NDFIP2: variants seen among roughly 807,000 people sequenced by gnomAD.
NDFIP2 encodes the protein Nedd4 family interacting protein 2.
A neutral mutation model predicts 36.0 loss-of-function variants in NDFIP2; 19 were observed. The ratio of observed to expected loss-of-function variants is 0.53; its 90% CI spans 0.37 to 0.77. NDFIP2 has a LOEUF of 0.77. NDFIP2 is among the 30% of genes least tolerant of loss of function. The pLI is 0.00. For synonymous variants in NDFIP2, 181 were observed against 167.7 expected (o/e 1.08, Z -0.61); for missense variants, 446 against 435.8 (o/e 1.02, Z -0.21).
chr13:79,518,980 AT>A, intron 1 of NDFIP2: 1 of 152,018 alleles, frequency 6.6e-6, no homozygotes, highest in Non-Finnish European at 1.5e-5. Context: ...CATTTTTTGT[AT>A]TTTTTGGTAG....
At chr13:79,486,397 ATTG>A (rs1306057877) in intron 1 of NDFIP2, among the ~76,000 whole-genome samples, 1 of 152,186 alleles carries the variant, frequency 6.6e-6, no homozygotes, top group African/African-American at 2.4e-5. Flanking sequence ...TTCTATTTGT[ATTG>A]TTGTGTATTT....
At chr13:79,542,650 A>G (rs1875503270) in intron 4 of NDFIP2, among the ~76,000 whole-genome samples, 1 of 152,140 alleles carries the variant, frequency 6.6e-6, no homozygotes, top group South Asian at 2.1e-4. Flanking sequence ...TCAAAAAGTT[A>G]CAGTTTTTAA....
chr13:79,498,624 A>C (rs1456111306), intron 1 of NDFIP2, among the ~76,000 whole-genome samples: 1 of 152,004 alleles, frequency 6.6e-6, no homozygotes, highest in Non-Finnish European at 1.5e-5. Context: ...CAAAAAGTAG[A>C]AAGGGAAGAG....
intron 5 of NDFIP2, among the ~76,000 whole-genome samples, chr13:79,545,063 T>C (rs1248103627): frequency 2.0e-5 from 3 of 152,108 alleles, no homozygotes; most frequent in Non-Finnish European, 4.4e-5. Context: ...CCTTCCCTTA[T>C]AGAAATTATT....
chr13:79,517,394 A>G (rs1874392064), intron 1 of NDFIP2, among the ~76,000 whole-genome samples: 2 of 152,226 alleles, frequency 1.3e-5, no homozygotes, highest in South Asian at 4.1e-4. Context: ...ATTGGAGAAC[A>G]TGATTAAGAA....
intron 1 of NDFIP2, among the ~76,000 whole-genome samples, chr13:79,518,096 T>C (rs1227070801): frequency 6.6e-6 from 1 of 152,198 alleles, no homozygotes; most frequent in Non-Finnish European, 1.5e-5. Flanking sequence ...CAGTTAAAGA[T>C]AATTAAGTGA....
chr13:79,553,863 G>C lies in NDFIP2; in HGVS notation c.*1350G>C, dbSNP rs983315104. The C allele has an allele frequency of 6.6e-6, 1 of 151,834 alleles. No homozygotes were observed. Among genetic ancestry groups the C allele is most frequent in the Non-Finnish European group, 1.5e-5 (1 of 67,538 alleles). The allele number at this position is 151,834 out of a possible 1,614,324, so 9.4% of individuals were successfully genotyped here. ...GGTTTTGAATACCAACATTTAAAAT[G>C]ATGGTATTTTATCTTTTAAACTTAA... On this transcript the variant is annotated 3_prime_UTR_variant, in exon 8 of 8. Coordinates refer to ENST00000218652, the MANE Select transcript of NDFIP2 (RefSeq NM_019080.3).
At chr13:79,487,501 G>C (rs1425799063) in intron 1 of NDFIP2, among the ~76,000 whole-genome samples, 1 of 152,146 alleles carries the variant, frequency 6.6e-6, no homozygotes, top group African/African-American at 2.4e-5. Flanking sequence ...CTGTAAAGCT[G>C]ATAGGAATGA....
intron 3 of NDFIP2, among the ~76,000 whole-genome samples, chr13:79,534,893 C>G (rs1875172020): frequency 6.6e-6 from 1 of 152,204 alleles, no homozygotes; most frequent in African/African-American, 2.4e-5. Flanking sequence ...TACCCTCTTC[C>G]AGCACACACA....
intron 1 of NDFIP2, among the ~76,000 whole-genome samples, chr13:79,484,245 C>T (rs960717354): frequency 6.6e-6 from 1 of 152,046 alleles, no homozygotes; most frequent in Non-Finnish European, 1.5e-5. Context: ...GAACTCCTGA[C>T]CTCAAATAAT....
intron 3 of NDFIP2, among the ~76,000 whole-genome samples, chr13:79,538,801 TTGAACTCCTGGCC>T (rs1213626993): frequency 2.0e-5 from 3 of 152,220 alleles, no homozygotes; most frequent in Non-Finnish European, 4.4e-5. Flanking sequence ...CAGGCAGGTC[TTGAACTCCTGGCC>T]TGAAGTGATC....
intron 5 of NDFIP2, among the ~76,000 whole-genome samples, chr13:79,543,892 A>G (rs1425224174): frequency 1.3e-5 from 2 of 152,216 alleles, no homozygotes; most frequent in Non-Finnish European, 2.9e-5. Flanking sequence ...AGTGGAAAGA[A>G]CTTTGAAATA....
At chr13:79,484,108 TG>T (rs948036729) in intron 1 of NDFIP2, among the ~76,000 whole-genome samples, 2 of 152,022 alleles carry the variant, frequency 1.3e-5, no homozygotes, top group Non-Finnish European at 2.9e-5. Context: ...ATCCGCCTCC[TG>T]GGTTCAAGTG....
At chr13:79,483,347 C>T (rs1003532540) in intron 1 of NDFIP2, among the ~76,000 whole-genome samples, 3 of 151,942 alleles carry the variant, frequency 2.0e-5, no homozygotes, top group African/African-American at 7.3e-5. Flanking sequence ...TAGTATAACT[C>T]TTGGTTTTGT....
chr13:79,510,643 A>G (rs1874050173), intron 1 of NDFIP2, among the ~76,000 whole-genome samples: 1 of 152,092 alleles, frequency 6.6e-6, no homozygotes, highest in South Asian at 2.1e-4. Context: ...AAAATAGGTT[A>G]TAGTGGCAAA....
intron 5 of NDFIP2, among the ~76,000 whole-genome samples, chr13:79,546,008 G>A (rs1421951247): frequency 6.6e-6 from 1 of 152,178 alleles, no homozygotes; most frequent in South Asian, 2.1e-4. Flanking sequence ...GATTACAGGC[G>A]TGAGCCACCG....
Position 79,548,322 on chromosome 13 carries a change from C to T in NDFIP2, c.841-6C>T, listed in dbSNP as rs752904816. On this transcript the variant is annotated splice_polypyrimidine_tract_variant and splice_region_variant and intron_variant, in intron 5 of 7. Transcript: ENST00000218652. ...TTCGGTTAATATATTTATGTTCACT[C>T]CATAGTTTTCTGATTATTTTACTGG... 10 of 1,564,498 alleles carry T rather than the reference C, an allele frequency of 6.4e-6. No homozygotes were observed. Among genetic ancestry groups the T allele is most frequent in the East Asian group, 2.3e-5 (1 of 44,018 alleles).
intron 2 of NDFIP2, among the ~76,000 whole-genome samples, chr13:79,532,659 G>A (rs1875061890): frequency 6.6e-6 from 1 of 152,196 alleles, no homozygotes; most frequent in Non-Finnish European, 1.5e-5. Context: ...AGGGACAAGA[G>A]TGGAAAAGTA....
chr13:79,481,497 C>T lies in NDFIP2; in HGVS notation c.294C>T (p.His98=). 6.4e-7 allele frequency: 1 copy of T among 1,556,840 alleles called. No individual in the cohort carries two copies. The highest frequency in any genetic ancestry group is 1.2e-5 in the South Asian group (1 of 84,340). The change falls in exon 1 of 8, where the codon CAC becomes CAT. Residue 98 remains histidine, a synonymous_variant. Transcript: ENST00000218652. ...CCGAGCCGGGCAGGATGGATCACCA[C>T]CAGCCGGGGACTGGGCGCTACCAGG... ...PDPEPGRMDH[H]QPGTGRYQVL...
Sources: gnomAD v4.1 joint callset for allele counts (sites outside exome capture counted in the v4.1 genomes callset) on GRCh38, gnomAD v4.1.1 for gene constraint, MANE v1.5 for transcripts, NCBI Gene and HGNC (gene_info 2026-07-23, HGNC 2026-07-21) for gene names.